Variants in PPP1R12A observed in about 807,000 individuals in gnomAD.
PPP1R12A encodes myosin binding subunit.
In PPP1R12A, 19 loss-of-function variants were observed where a neutral mutation model predicts 139.6. The ratio of observed to expected loss-of-function variants is 0.14; its 90% CI spans 0.09 to 0.20. The LOEUF (loss-of-function observed/expected upper bound fraction) is 0.20, where lower values mean the gene tolerates loss of function less well. Ranked by LOEUF, PPP1R12A falls within the 10% of genes least tolerant of loss-of-function variation. The pLI is 1.00. For missense variants in PPP1R12A, 925 were observed against 1,211.5 expected (o/e 0.76, Z 3.51); for synonymous variants, 427 against 420.6 (o/e 1.02, Z -0.19).
chr12:79,777,038 T>TAA (rs1290069254), intron 24 of PPP1R12A: 1 of 428,164 alleles, frequency 2.3e-6, no homozygotes, highest in Admixed American at 6.4e-5. Context: ...ATAGTAATAT[T>TAA]AAGTTTATTC....
chr12:79,874,002 G>A (rs186518777), intron 1 of PPP1R12A, among the ~76,000 whole-genome samples: 28 of 152,210 alleles, frequency 1.8e-4, no homozygotes, highest in Non-Finnish European at 3.2e-4. Flanking sequence ...AACGCCAGGC[G>A]CGGTGGCTCA....
At chr12:79,884,962 T>G (rs1374962118) in intron 1 of PPP1R12A, among the ~76,000 whole-genome samples, 1 of 152,164 alleles carries the variant, frequency 6.6e-6, no homozygotes, top group Admixed American at 6.5e-5. Context: ...AGTCCATGAC[T>G]TAAAGACAGA....
intron 1 of PPP1R12A, among the ~76,000 whole-genome samples, chr12:79,908,037 C>G (rs1219961419): frequency 2.0e-5 from 3 of 152,136 alleles, no homozygotes; most frequent in African/African-American, 7.2e-5. Flanking sequence ...AGACGGCTTG[C>G]TACATACACT....
At chr12:79,800,795 G>A (rs1218275970) in intron 14 of PPP1R12A, among the ~76,000 whole-genome samples, 2 of 149,522 alleles carry the variant, frequency 1.3e-5, no homozygotes, top group Non-Finnish European at 3.0e-5. Context: ...GTGCAGTGGC[G>A]CGATCTTGGC....
At chr12:79,918,045 A>G (rs941974510) in intron 1 of PPP1R12A, among the ~76,000 whole-genome samples, 1 of 152,104 alleles carries the variant, frequency 6.6e-6, no homozygotes, top group African/African-American at 2.4e-5. Context: ...CACATACATA[A>G]TATCATAAAA....
intron 5 of PPP1R12A, chr12:79,824,945 C>A (rs958204366): frequency 6.6e-6 from 1 of 152,102 alleles, no homozygotes; most frequent in Admixed American, 6.5e-5. Flanking sequence ...TTCATAGTTT[C>A]TTCATTTTTC....
chr12:79,927,032 G>GA (rs10707326), intron 1 of PPP1R12A, among the ~76,000 whole-genome samples: 2 of 149,324 alleles, frequency 1.3e-5, no homozygotes, highest in African/African-American at 5.0e-5. Context: ...CTCTGTCAAA[G>GA]AAAAAAAAAA....
chr12:79,890,895 CCACACCCACCCACACACACACACACACA>C (rs1407616888), intron 1 of PPP1R12A, among the ~76,000 whole-genome samples: 1 of 104,532 alleles, frequency 9.6e-6, no homozygotes, highest in African/African-American at 3.7e-5. Context: ...CACCACCCAC[CCACACCCACCCACACACACACACACACA>C]CACACACACA....
intron 1 of PPP1R12A, among the ~76,000 whole-genome samples, chr12:79,884,375 C>T (rs1209493225): frequency 1.3e-5 from 2 of 152,104 alleles, no homozygotes; most frequent in East Asian, 3.8e-4. Flanking sequence ...GTTAAATCTG[C>T]TTGTTCTTTT....
chr12:79,810,045 G>C, intron 9 of PPP1R12A, 35 bp from the exon 10 acceptor site: 3 of 1,498,912 alleles, frequency 2.0e-6, no homozygotes, highest in Non-Finnish European at 2.7e-6. Context: ...AAAGAAAAAA[G>C]AATTTGTAAA....
At chr12:79,910,097 T>C (rs1337760110) in intron 1 of PPP1R12A, among the ~76,000 whole-genome samples, 1 of 152,026 alleles carries the variant, frequency 6.6e-6, no homozygotes, top group Non-Finnish European at 1.5e-5. Flanking sequence ...AAGAAAGCAG[T>C]TTACTGGATG....
At chr12:79,904,476 AG>A (rs1206365488) in intron 1 of PPP1R12A, among the ~76,000 whole-genome samples, 1 of 152,112 alleles carries the variant, frequency 6.6e-6, no homozygotes, top group African/African-American at 2.4e-5. Context: ...ATAATGGGAA[AG>A]GCTGTGCTAG....
intron 1 of PPP1R12A, chr12:79,878,489 A>AT (rs1192500157): frequency 2.0e-5 from 3 of 152,142 alleles, no homozygotes; most frequent in Non-Finnish European, 2.9e-5. Flanking sequence ...CACACAATGT[A>AT]TTTTTTAATG....
chr12:79,799,904 G>A lies in PPP1R12A; in HGVS notation c.2001-1320C>T, dbSNP rs73349345. ...CATGCCTGTACTCCCAGTTACTCGGGAGGCTGAGATGAGAGGATCACCTGA... is the reference window on the plus strand; with the variant it reads ...CATGCCTGTACTCCCAGTTACTCGGAAGGCTGAGATGAGAGGATCACCTGA... On this transcript the variant is annotated intron_variant, in intron 14 of 24. Transcript: ENST00000450142. Among the ~76,000 whole-genome samples, 374 of 152,164 alleles carry A rather than the reference G, an allele frequency of 2.5e-3. 1 individual carries two copies. The highest frequency in any genetic ancestry group is 8.6e-3 in the African/African-American group (356 of 41,490).
chr12:79,826,453 C>T (rs571031577), intron 5 of PPP1R12A, among the ~76,000 whole-genome samples: 1 of 151,296 alleles, frequency 6.6e-6, no homozygotes, highest in African/African-American at 2.4e-5. Context: ...ATCCTTCTAC[C>T]TCAGCCTCCC....
At chr12:79,841,449 TAAG>T (rs772443737) in intron 3 of PPP1R12A, among the ~76,000 whole-genome samples, 6 of 152,210 alleles carry the variant, frequency 3.9e-5, no homozygotes, top group South Asian at 2.1e-4. Context: ...GTGAAATCCT[TAAG>T]AAGGATTGTC....
chr12:79,843,998 C>G (rs560895039), intron 3 of PPP1R12A, among the ~76,000 whole-genome samples: 14 of 152,244 alleles, frequency 9.2e-5, no homozygotes, highest in African/African-American at 3.4e-4. Flanking sequence ...CCACTGCTGC[C>G]AAGCTGGATC....
At chr12:79,811,199 C>T (rs1032830901) in intron 9 of PPP1R12A, among the ~76,000 whole-genome samples, 1 of 152,116 alleles carries the variant, frequency 6.6e-6, no homozygotes, top group African/African-American at 2.4e-5. Flanking sequence ...CTATAATTAG[C>T]AGGTTAACAG....
Position 79,809,794 on chromosome 12 carries a change from C to G in PPP1R12A, c.1455+1G>C. 2 of 1,604,638 alleles carry G rather than the reference C, an allele frequency of 1.2e-6. No homozygotes were observed. The highest frequency in any genetic ancestry group is 1.7e-6 in the Non-Finnish European group (2 of 1,172,750). ...AGAAACCAGACTGTGAAATAGATTA[C>G]CTTTTCTTTATTATCCAAAGAGGAG... On this transcript the variant is annotated splice_donor_variant, in intron 10 of 24. Transcript: ENST00000450142. LOFTEE classifies it high-confidence loss of function.
Sources: allele counts gnomAD v4.1 joint callset (sites outside exome capture counted in the v4.1 genomes callset), GRCh38; gene constraint gnomAD v4.1.1; transcripts MANE v1.5; gene names NCBI Gene and HGNC (gene_info 2026-07-23, HGNC 2026-07-21).